The following AGBL3 variants were observed in gnomAD, a reference collection of about 807,000 sequenced individuals.
AGBL3 encodes the protein cytosolic carboxypeptidase 3.
Under a neutral mutation model 94.5 loss-of-function variants are expected in AGBL3, and 68 were observed. The ratio of observed to expected loss-of-function variants is 0.72; its 90% CI spans 0.59 to 0.88. The LOEUF (loss-of-function observed/expected upper bound fraction) is 0.88, where lower values mean the gene tolerates loss of function less well. Ranked by LOEUF, AGBL3 falls within the 40% of genes least tolerant of loss-of-function variation. The probability of loss-of-function intolerance (pLI) is 0.00; values close to 1 mark genes in which losing one functional copy is unlikely to be tolerated. For synonymous variants in AGBL3, 354 were observed against 370.7 expected, an observed-to-expected ratio of 0.95 and a Z score of 0.52; for missense variants, 934 against 1,103.8, an observed-to-expected ratio of 0.85 and a Z score of 2.18.
chr7:135,094,917 C>T (rs968254823), intron 15 of AGBL3, among the ~76,000 whole-genome samples: 1 of 152,158 alleles, frequency 6.6e-6, no homozygotes, highest in Non-Finnish European at 1.5e-5. Context: ...TATACAGAAT[C>T]CCTTAAAGAC....
chr7:135,038,872 T>C (rs1563206765), intron 8 of AGBL3, among the ~76,000 whole-genome samples: 1 of 151,196 alleles, frequency 6.6e-6, no homozygotes, highest in Non-Finnish European at 1.5e-5. Flanking sequence ...GGCAGGAGAA[T>C]GGTGTGAACC....
chr7:135,064,330 GA>G (rs1819093916), intron 12 of AGBL3, among the ~76,000 whole-genome samples: 1 of 152,174 alleles, frequency 6.6e-6, no homozygotes, highest in South Asian at 2.1e-4. Flanking sequence ...GATAGGCTTT[GA>G]AGGTTGCAGG....
chr7:135,071,344 A>T (rs8180692), intron 12 of AGBL3, among the ~76,000 whole-genome samples: 67,286 of 151,864 alleles, frequency 0.44, 15,527 homozygotes, highest in East Asian at 0.77. Flanking sequence ...GCCCAAGGTA[A>T]TTTGTAGATT....
At position 134,999,328 on chromosome 7, in the gene AGBL3, A is replaced by G. The variant is rs1025381658; in HGVS notation, c.310+5650A>G. Among the ~76,000 whole-genome samples the G allele has an allele frequency of 3.3e-5, 5 of 152,152 alleles. No individual in the cohort carries two copies. The East Asian group carries it at 7.7e-4, about 23-fold the overall frequency. Reference sequence around the variant, plus strand: ...GGGGGCTACCACAGCATTCCGATGTAGTTACTTGTCAGTTGTGTGTGCCAC... The same window carrying G: ...GGGGGCTACCACAGCATTCCGATGTGGTTACTTGTCAGTTGTGTGTGCCAC... On this transcript the variant is annotated intron_variant, in intron 4 of 16. Coordinates refer to ENST00000436302, the MANE Select transcript of AGBL3 (RefSeq NM_178563.4).
At chr7:135,068,111 C>T (rs1479579283) in intron 12 of AGBL3, among the ~76,000 whole-genome samples, 6 of 151,064 alleles carry the variant, frequency 4.0e-5, no homozygotes, top group South Asian at 2.1e-4. Context: ...GTAGCCGATT[C>T]GATCAACTGG....
At chr7:135,127,356 A>G (rs1014229725) in intron 16 of AGBL3, among the ~76,000 whole-genome samples, 1 of 151,788 alleles carries the variant, frequency 6.6e-6, no homozygotes, top group Non-Finnish European at 1.5e-5. Flanking sequence ...GAATATCGAG[A>G]CCATCCTGGC....
At chr7:135,114,110 G>T (rs997563080) in intron 15 of AGBL3, among the ~76,000 whole-genome samples, 1 of 23,572 alleles carries the variant, frequency 4.2e-5, no homozygotes, top group Non-Finnish European at 7.8e-5. Context: ...CAATGAACAC[G>T]TGTGTTGCTT....
At chr7:135,128,635 T>C (rs1828292851) in intron 16 of AGBL3, 1 of 849,328 alleles carries the variant, frequency 1.2e-6, no homozygotes, top group African/African-American at 1.7e-5. Context: ...GTGATCCCGT[T>C]TGCCTGGATG....
intron 15 of AGBL3, among the ~76,000 whole-genome samples, chr7:135,098,952 TA>T (rs1231575281): frequency 2.6e-5 from 4 of 152,226 alleles, no homozygotes; most frequent in South Asian, 2.1e-4. Context: ...AGAAACATTA[TA>T]AAAAAATTAC....
chr7:135,104,503 A>G (rs1478669991), intron 15 of AGBL3, among the ~76,000 whole-genome samples: 1 of 152,006 alleles, frequency 6.6e-6, no homozygotes, highest in Non-Finnish European at 1.5e-5. Context: ...AGGAATCACC[A>G]TACTGCTTTC....
intron 16 of AGBL3, among the ~76,000 whole-genome samples, chr7:135,127,140 A>T (rs2117295972): frequency 6.6e-6 from 1 of 152,178 alleles, no homozygotes. Flanking sequence ...TCTAATATCC[A>T]GAATTTACAT....
In AGBL3 at chr7:135,051,003, ATGCTGTCACT is replaced by A. The variant is rs775036405; in HGVS notation, c.1841+5093_1841+5102del. ...TTTTCTTCTCTTCAAATTATTTCTAATGCTGTCACTACCCACAGAGAACTGACATTTTTAT... is the reference window on the plus strand; with the variant it reads ...TTTTCTTCTCTTCAAATTATTTCTAAACCCACAGAGAACTGACATTTTTAT... On this transcript the variant is annotated intron_variant, in intron 11 of 16. Transcript: ENST00000436302. 1.8e-3 allele frequency: 772 copies of A among 429,096 alleles called. 12 individuals carry two copies. Among genetic ancestry groups the A allele is most frequent in the South Asian group, 0.01 (618 of 59,122 alleles). The allele number at this position is 429,096 out of a possible 1,614,324, so 26.6% of individuals were successfully genotyped here. A position where few individuals can be genotyped will look rare whatever the true frequency, so the allele number is the denominator to read the frequency against.
intron 15 of AGBL3, among the ~76,000 whole-genome samples, chr7:135,095,184 T>C (rs1481439860): frequency 1.3e-5 from 2 of 152,128 alleles, no homozygotes; most frequent in Non-Finnish European, 2.9e-5. Flanking sequence ...CACTGGAGGG[T>C]TGGAGGAAGA....
At chr7:135,015,033 G>A (rs1457765949) in intron 4 of AGBL3, among the ~76,000 whole-genome samples, 1 of 152,178 alleles carries the variant, frequency 6.6e-6, no homozygotes, top group East Asian at 1.9e-4. Flanking sequence ...AGGAGATTGT[G>A]ATAATGGAAA....
intron 15 of AGBL3, among the ~76,000 whole-genome samples, chr7:135,089,004 A>G (rs571782142): frequency 1.3e-5 from 2 of 151,764 alleles, no homozygotes; most frequent in Non-Finnish European, 2.9e-5. Flanking sequence ...CTCCCATGAT[A>G]TGAATATTTG....
At chr7:135,020,544 C>A (rs760852532) in intron 5 of AGBL3, among the ~76,000 whole-genome samples, 1 of 152,170 alleles carries the variant, frequency 6.6e-6, no homozygotes, top group African/African-American at 2.4e-5. Context: ...TTTGACCCAG[C>A]GATCCCGTTA....
intron 5 of AGBL3, among the ~76,000 whole-genome samples, chr7:135,022,059 G>T (rs982097667): frequency 2.0e-5 from 3 of 152,100 alleles, no homozygotes; most frequent in Admixed American, 6.6e-5. Context: ...TATTTATCCA[G>T]TCTATCATTG....
chr7:134,989,167 A>G (rs1809882456), intron 2 of AGBL3, 83 bp from the exon 3 acceptor site: 1 of 892,152 alleles, frequency 1.1e-6, no homozygotes, highest in Non-Finnish European at 1.7e-6. Context: ...CTCAATCCCA[A>G]GTACTAAAAT....
At chr7:135,006,198 TCTC>T (rs1812364675) in intron 4 of AGBL3, among the ~76,000 whole-genome samples, 1 of 151,870 alleles carries the variant, frequency 6.6e-6, no homozygotes, top group Non-Finnish European at 1.5e-5. Flanking sequence ...GTTGATTCTA[TCTC>T]CTTTTATTTT....
Sources: gnomAD v4.1 joint callset for allele counts (sites outside exome capture counted in the v4.1 genomes callset) on GRCh38, gnomAD v4.1.1 for gene constraint, MANE v1.5 for transcripts, NCBI Gene and HGNC (gene_info 2026-07-23, HGNC 2026-07-21) for gene names.